Variants in CDH3 observed in about 807,000 individuals in gnomAD.
CDH3 encodes the protein cadherin 3.
A neutral mutation model predicts 82.0 loss-of-function variants in CDH3; 54 were observed. The observed-to-expected ratio is 0.66, with a 90% CI of 0.53 to 0.83. The LOEUF is 0.83. Ranked by LOEUF, CDH3 falls within the 40% of genes least tolerant of loss-of-function variation. The probability of loss-of-function intolerance (pLI) is 0.00; values close to 1 mark genes in which losing one functional copy is unlikely to be tolerated. For synonymous variants in CDH3, 446 were observed against 437.9 expected (o/e 1.02, Z -0.23); for missense variants, 1,054 against 1,084.6 (o/e 0.97, Z 0.40).
At chr16:68,692,642 T>G (rs1046861341) in intron 13 of CDH3, among the ~76,000 whole-genome samples, 3 of 152,214 alleles carry the variant, frequency 2.0e-5, no homozygotes, top group African/African-American at 7.2e-5. Context: ...TTCTGATACA[T>G]GCTAGAGTCT....
At chr16:68,710,031 C>T (rs1387605382) in intron 1 of CDH3, among the ~76,000 whole-genome samples, 1 of 152,242 alleles carries the variant, frequency 6.6e-6, no homozygotes, top group Non-Finnish European at 1.5e-5. Flanking sequence ...TCCCGCTGCT[C>T]TGCAACCAGG....
Position 68,687,705 on chromosome 16 carries a change from C to T in CDH3, c.1764C>T (p.Asp588=), listed in dbSNP as rs144609048. The stretch of plus-strand genomic sequence containing the variant: ...AGGCCCAGCTCACAGATGACTCAGA[C>T]ATCTACTGGACGGCAGAGGTCAACG... ...PFQAQLTDDS[D]IYWTAEVNEE... Residue 588 remains aspartate (D), a synonymous_variant, in exon 12 of 16, where the codon GAC becomes GAT. Coordinates refer to ENST00000264012, the MANE Select transcript of CDH3 (RefSeq NM_001793.6). 1.2e-4 allele frequency: 194 copies of T among 1,614,002 alleles called. 1 individual carries two copies. The highest frequency in any genetic ancestry group is 3.7e-4 in the South Asian group (34 of 91,070).
chr16:68,654,712 A>AT (rs1567437497), intron 2 of CDH3, among the ~76,000 whole-genome samples: 964 of 90,956 alleles, frequency 0.011, 4 homozygotes, highest in South Asian at 0.016. Context: ...CAAAAAAAAA[A>AT]AATATATATA....
chr16:68,718,963 G>T (rs1256266629), intron 1 of CDH3, among the ~76,000 whole-genome samples: 1 of 152,060 alleles, frequency 6.6e-6, no homozygotes, highest in Non-Finnish European at 1.5e-5. Flanking sequence ...ACGGGGCCGG[G>T]CGCGGTGGCT....
intron 2 of CDH3, among the ~76,000 whole-genome samples, chr16:68,648,308 A>G (rs561300523): frequency 6.9e-4 from 105 of 152,328 alleles, no homozygotes; most frequent in African/African-American, 2.5e-3. Flanking sequence ...CCAGTCCTGT[A>G]TGAATTATGA....
rs1049846197 is a variant in CDH3, at chr16:68,726,079, G to A, written c.*46-1074G>A. Among the ~76,000 whole-genome samples the A allele has an allele frequency of 7.2e-5, 11 of 152,202 alleles. No homozygotes were observed. The South Asian group carries it at 1.9e-3, about 26-fold the overall frequency. The stretch of plus-strand genomic sequence containing the variant: ...AAAAGAAAAAGAAAAAAGAAGGGCA[G>A]AATTCAGAAGCAGGCAGTCAGGAAC... On this transcript the variant is annotated intron_variant, in intron 2 of 2. Transcript: ENST00000569080.
chr16:68,729,050 A>T (rs1294926337), downstream of CDH3, among the ~76,000 whole-genome samples: 7 of 152,184 alleles, frequency 4.6e-5, no homozygotes. Flanking sequence ...CACACCTGTA[A>T]TCCCAGCACT....
chr16:68,717,838 A>T (rs1346308012), intron 1 of CDH3, among the ~76,000 whole-genome samples: 1 of 151,782 alleles, frequency 6.6e-6, no homozygotes, highest in Non-Finnish European at 1.5e-5. Context: ...TTTCTCAGAG[A>T]CTGGGTTATT....
At chr16:68,702,279 T>C (rs1597825124), downstream of CDH3, among the ~76,000 whole-genome samples, 1 of 152,174 alleles carries the variant, frequency 6.6e-6, no homozygotes, top group East Asian at 1.9e-4. Flanking sequence ...TGTTATTTAA[T>C]GTCACCACAA....
intron 2 of CDH3, among the ~76,000 whole-genome samples, chr16:68,649,452 C>T (rs1478801067): frequency 6.6e-6 from 1 of 152,178 alleles, no homozygotes; most frequent in African/African-American, 2.4e-5. Context: ...GCATATATTT[C>T]GCATCTGCAT....
intron 15 of CDH3, chr16:68,696,175 C>T (rs1961716845): frequency 2.1e-6 from 1 of 487,540 alleles, no homozygotes; most frequent in Non-Finnish European, 3.8e-6. Context: ...AATCTGAGCA[C>T]TTTGGGAGGC....
At position 68,678,167 on chromosome 16, in the gene CDH3, A is replaced by C. The variant is rs758988304; in HGVS notation, c.280A>C (p.Lys94Gln). The change falls in exon 4 of 16, where the codon AAG becomes CAG. Residue 94 changes from lysine to glutamine, a missense_variant. Physicochemically the swap from Lys to Gln is moderately conservative, Grantham distance 53 (BLOSUM62 1). Coordinates refer to ENST00000264012, the MANE Select transcript of CDH3 (RefSeq NM_001793.6). ...GTCACTGAAGGAAAGGAATCCATTGAAGATCTTCCCATCCAAACGTATCTT... is the reference window on the plus strand; with the variant it reads ...GTCACTGAAGGAAAGGAATCCATTGCAGATCTTCCCATCCAAACGTATCTT... ...RRSLKERNPL[K>Q]IFPSKRILRR... 4 of 1,614,032 alleles carry C rather than the reference A, an allele frequency of 2.5e-6. No individual in the cohort carries two copies. The South Asian group carries it at 4.4e-5, about 18-fold the overall frequency.
At chr16:68,728,795 C>T (rs1962254503), downstream of CDH3, among the ~76,000 whole-genome samples, 1 of 152,176 alleles carries the variant, frequency 6.6e-6, no homozygotes, top group Admixed American at 6.6e-5. Flanking sequence ...GATCTGCTGA[C>T]ACCTACAGAA....
At chr16:68,732,511 G>A in the CDH3 span, among the ~76,000 whole-genome samples, 2 of 152,226 alleles carry the variant, frequency 1.3e-5, no homozygotes, top group African/African-American at 4.8e-5. Flanking sequence ...TGCGGGGTCT[G>A]TTATCTGCCA....
At chr16:68,686,981 A>G (rs191708947) in intron 11 of CDH3, among the ~76,000 whole-genome samples, 4 of 152,296 alleles carry the variant, frequency 2.6e-5, no homozygotes, top group Non-Finnish European at 4.4e-5. Flanking sequence ...TAAATAAAAC[A>G]TCAGCATTAG....
intron 2 of CDH3, among the ~76,000 whole-genome samples, chr16:68,666,167 T>G (rs961496900): frequency 2.6e-5 from 4 of 151,734 alleles, no homozygotes; most frequent in Admixed American, 2.0e-4. Flanking sequence ...CTTCCTCTTC[T>G]GCTTGGCTGG....
chr16:68,656,359 A>T (rs1960411139), intron 2 of CDH3, among the ~76,000 whole-genome samples: 1 of 152,134 alleles, frequency 6.6e-6, no homozygotes, highest in Admixed American at 6.6e-5. Context: ...TGTCTGCCTC[A>T]GTTGCCTTTT....
At chr16:68,712,695 T>C (rs1440285013) in intron 1 of CDH3, among the ~76,000 whole-genome samples, 1 of 152,034 alleles carries the variant, frequency 6.6e-6, no homozygotes, top group Non-Finnish European at 1.5e-5. Flanking sequence ...TTCCTTTTTT[T>C]TTTTGAGATG....
intron 13 of CDH3, 32 bp downstream of exon 13, chr16:68,691,958 G>A (rs752849591): frequency 6.4e-7 from 1 of 1,570,006 alleles, no homozygotes; most frequent in Non-Finnish European, 8.7e-7. Context: ...CCTCCCTGAG[G>A]ATGGGGGAGT....
Sources: gnomAD v4.1 joint callset for allele counts (sites outside exome capture counted in the v4.1 genomes callset) on GRCh38, gnomAD v4.1.1 for gene constraint, MANE v1.5 for transcripts, NCBI Gene and HGNC (gene_info 2026-07-23, HGNC 2026-07-21) for gene names.